The following ZNF562 variants were observed in gnomAD, a reference collection of about 807,000 sequenced individuals.
The protein encoded by ZNF562 is zinc finger protein 562.
Under a neutral mutation model 17.5 loss-of-function variants are expected in ZNF562, and 13 were observed. That is an observed-to-expected ratio of 0.74 (90% CI 0.48 to 1.18). The LOEUF is 1.18. Ranked by LOEUF, ZNF562 falls within the 50% of genes most tolerant of loss-of-function variation. The probability of loss-of-function intolerance (pLI) is 0.00; values close to 1 mark genes in which losing one functional copy is unlikely to be tolerated. For synonymous variants in ZNF562, 163 were observed against 165.4 expected (o/e 0.99, Z 0.11); for missense variants, 481 against 498.5 (o/e 0.96, Z 0.33).
intron 1 of ZNF562, chr19:9,674,624 T>C (rs1301324093): frequency 1.3e-5 from 2 of 152,096 alleles, no homozygotes; most frequent in African/African-American, 2.4e-5. Flanking sequence ...TTTTCCGCCG[T>C]TGCTCACCAG....
chr19:9,658,759 C>A (rs1262976120), intron 3 of ZNF562, among the ~76,000 whole-genome samples: 2 of 151,888 alleles, frequency 1.3e-5, no homozygotes, highest in Non-Finnish European at 2.9e-5. Context: ...ACTTCCTAAA[C>A]ATTAATTTTT....
At chr19:9,654,705 C>T (rs974435103) in intron 5 of ZNF562, among the ~76,000 whole-genome samples, 9 of 151,946 alleles carry the variant, frequency 5.9e-5, no homozygotes, top group Admixed American at 6.6e-5. Context: ...CCTAGGCCTC[C>T]GAAAGTGCTG....
intron 1 of ZNF562, among the ~76,000 whole-genome samples, chr19:9,670,765 G>T (rs1458848938): frequency 6.6e-6 from 1 of 152,126 alleles, no homozygotes; most frequent in Non-Finnish European, 1.5e-5. Context: ...AAGGCGGGCA[G>T]ATCACCCTGA....
intron 1 of ZNF562, among the ~76,000 whole-genome samples, chr19:9,665,071 C>A (rs994572411): frequency 2.8e-4 from 43 of 151,336 alleles, no homozygotes; most frequent in South Asian, 8.4e-4. Context: ...AAAATACAAA[C>A]ATTAGCTGGG....
rs1447772424 is a variant in ZNF562, at chr19:9,645,611, T to C, written c.*7338A>G. ...TGGCTCACATAAAAAGGAGAGAGAT[T>C]GCACCTTCAGAGAGTAATCTCAAGA... On this transcript the variant is annotated 3_prime_UTR_variant, in exon 6 of 6. Transcript: ENST00000453372. 2.6e-5 allele frequency: 4 copies of C among 152,308 alleles called. No homozygotes were observed. In the East Asian group the frequency reaches 7.7e-4, roughly 29 times the overall value. 9.4% of individuals were successfully genotyped at this position (152,308 alleles called of 1,614,324 possible).
chr19:9,664,751 C>T (rs2043881107), intron 1 of ZNF562, among the ~76,000 whole-genome samples: 1 of 152,058 alleles, frequency 6.6e-6, no homozygotes, highest in Non-Finnish European at 1.5e-5. Flanking sequence ...ACCAGCTGGG[C>T]ATGGTGGCTC....
chr19:9,654,525 G>C (rs1015480453), intron 5 of ZNF562, among the ~76,000 whole-genome samples: 3 of 151,742 alleles, frequency 2.0e-5, no homozygotes, highest in African/African-American at 7.3e-5. Context: ...GCAGTGTCAC[G>C]ATTTCGGCTC....
rs534777776 is a variant in ZNF562 at position 9,649,525 on chromosome 19, G to A, written c.*3424C>T. ...CCTTGAGAAAGAGAATGCACACCTGGGAGTGGGTCTCTGAACTGGCCCCCC... is the reference window on the plus strand; with the variant it reads ...CCTTGAGAAAGAGAATGCACACCTGAGAGTGGGTCTCTGAACTGGCCCCCC... On this transcript the variant is annotated 3_prime_UTR_variant, in exon 6 of 6. Coordinates refer to ENST00000453372, the MANE Select transcript of ZNF562 (RefSeq NM_001130031.2). The A allele has an allele frequency of 6.6e-6, 1 of 152,206 alleles. No individual in the cohort carries two copies. The highest frequency in any genetic ancestry group is 1.5e-5 in the Non-Finnish European group (1 of 67,994). The allele number at this position is 152,206 out of a possible 1,614,324, so 9.4% of individuals were successfully genotyped here. A position where few individuals can be genotyped will look rare whatever the true frequency, so the allele number is the denominator to read the frequency against.
At chr19:9,663,771 G>C (rs1307542041) in intron 1 of ZNF562, among the ~76,000 whole-genome samples, 1 of 151,926 alleles carries the variant, frequency 6.6e-6, no homozygotes, top group Non-Finnish European at 1.5e-5. Flanking sequence ...CCGCCTCCCA[G>C]GTTCAAGCGA....
At chr19:9,658,353 CTTTCT>C (rs1439630999) in intron 3 of ZNF562, 13 of 983,582 alleles carry the variant, frequency 1.3e-5, no homozygotes, top group Non-Finnish European at 1.6e-5. Flanking sequence ...TTCTTTCTTT[CTTTCT>C]TTTTTTTTGT....
intron 1 of ZNF562, among the ~76,000 whole-genome samples, chr19:9,668,022 G>A (rs148210079): frequency 2.0e-5 from 3 of 152,154 alleles, no homozygotes; most frequent in East Asian, 1.9e-4. Flanking sequence ...ATACGCCAAC[G>A]GTGAACAATC....
Position 9,649,148 on chromosome 19 carries a change from TA to T in ZNF562, c.*3800del, listed in dbSNP as rs1022462288. On this transcript the variant is annotated 3_prime_UTR_variant, in exon 6 of 6. Coordinates refer to ENST00000453372, the MANE Select transcript of ZNF562 (RefSeq NM_001130031.2). ...CTGTCTTTACTGCAATCTCTAAACA[TA>T]AATTGTAAAGATTTCATGGACACTT... The T allele has an allele frequency of 1.1e-4, 17 of 152,152 alleles. No individual in the cohort carries two copies. Among genetic ancestry groups the T allele is most frequent in the African/African-American group, 4.1e-4 (17 of 41,446 alleles). 9.4% of individuals were successfully genotyped at this position (152,152 alleles called of 1,614,324 possible).
At position 9,649,568 on chromosome 19, in the gene ZNF562, T is replaced by C. The variant is rs187998983; in HGVS notation, c.*3381A>G. 9.2e-5 allele frequency: 14 copies of C among 152,224 alleles called. No homozygotes were observed. Among genetic ancestry groups the C allele is most frequent in the African/African-American group, 3.4e-4 (14 of 41,532 alleles). 9.4% of individuals were successfully genotyped at this position (152,224 alleles called of 1,614,324 possible). A position where few individuals can be genotyped will look rare whatever the true frequency, so the allele number is the denominator to read the frequency against. On this transcript the variant is annotated 3_prime_UTR_variant, in exon 6 of 6. Coordinates refer to ENST00000453372, the MANE Select transcript of ZNF562 (RefSeq NM_001130031.2). ...GGCCCCCCTGGGTGTAGCCATCTCT[T>C]ATGGTCGAGACTGCAGGGGTGAAAT...
At position 9,651,454 on chromosome 19, in the gene ZNF562, G is replaced by T. The variant is rs1180696192; in HGVS notation, c.*1495C>A. The T allele has an allele frequency of 1.3e-5, 2 of 152,134 alleles. No individual in the cohort carries two copies. The highest frequency in any genetic ancestry group is 1.3e-4 in the Admixed American group (2 of 15,276). The allele number at this position is 152,134 out of a possible 1,614,324, so 9.4% of individuals were successfully genotyped here. ...TTACAGGAAAATGTGCTGGGAACAG[G>T]CCCCCCAAATCTGGCCATAAACAGG... On this transcript the variant is annotated 3_prime_UTR_variant, in exon 6 of 6. Coordinates refer to ENST00000453372, the MANE Select transcript of ZNF562 (RefSeq NM_001130031.2).
In ZNF562 at chr19:9,642,988, G is replaced by C. The variant is rs1474616755; in HGVS notation, c.*9961C>G. The C allele has an allele frequency of 1.3e-5, 2 of 150,808 alleles. No individual in the cohort carries two copies. The highest frequency in any genetic ancestry group is 2.9e-5 in the Non-Finnish European group (2 of 68,104). 9.3% of individuals were successfully genotyped at this position (150,808 alleles called of 1,614,324 possible). ...GCCCAGGAGGTCGAGGCTGCAGTGA[G>C]CTATGATTGCACCACTGCACTCCAG... On this transcript the variant is annotated 3_prime_UTR_variant, in exon 6 of 6. Coordinates refer to ENST00000453372, the MANE Select transcript of ZNF562 (RefSeq NM_001130031.2).
intron 2 of ZNF562, 107 bp from the exon 3 acceptor site, chr19:9,659,574 A>G (rs531122568): frequency 5.2e-6 from 7 of 1,343,886 alleles, no homozygotes; most frequent in Middle Eastern, 2.6e-4. Context: ...GCACACTCGA[A>G]AAAACTACAC....
chr19:9,667,533 A>G (rs2043994511), intron 1 of ZNF562, among the ~76,000 whole-genome samples: 1 of 152,172 alleles, frequency 6.6e-6, no homozygotes, highest in Non-Finnish European at 1.5e-5. Context: ...TAGGCAAGAG[A>G]AACAAATAAA....
intron 1 of ZNF562, among the ~76,000 whole-genome samples, chr19:9,671,775 G>C (rs1285704628): frequency 6.6e-6 from 1 of 152,228 alleles, no homozygotes; most frequent in Non-Finnish European, 1.5e-5. Flanking sequence ...CAGCCCTCTG[G>C]TATTGCAGAG....
At chr19:9,655,818 C>G (rs2043459144) in intron 5 of ZNF562, among the ~76,000 whole-genome samples, 1 of 143,394 alleles carries the variant, frequency 7.0e-6, no homozygotes, top group Non-Finnish European at 1.5e-5. Context: ...ACTCAGCAAC[C>G]TCGGCCTCTG....
Sources: gnomAD v4.1 joint callset for allele counts (sites outside exome capture counted in the v4.1 genomes callset) on GRCh38, gnomAD v4.1.1 for gene constraint, MANE v1.5 for transcripts, NCBI Gene and HGNC (gene_info 2026-07-23, HGNC 2026-07-21) for gene names.